The following GEMIN5 variants were observed in gnomAD, a reference collection of about 807,000 sequenced individuals.
GEMIN5 encodes the protein gem nuclear organelle associated protein 5, also known as gem-associated protein 5.
In GEMIN5, 124 loss-of-function variants were observed where a neutral mutation model predicts 176.9. That is an observed-to-expected ratio of 0.70 (90% CI 0.61 to 0.81). The LOEUF (loss-of-function observed/expected upper bound fraction) is 0.81. GEMIN5 is among the 40% of genes least tolerant of loss of function. GEMIN5 has a pLI of 0.00. For synonymous variants in GEMIN5, 673 were observed against 665.2 expected (o/e 1.01, Z -0.18); for missense variants, 1,843 against 1,814.6 (o/e 1.02, Z -0.28).
chr5:154,921,711 T>C (rs1371659787), intron 9 of GEMIN5, among the ~76,000 whole-genome samples: 2 of 152,226 alleles, frequency 1.3e-5, no homozygotes, highest in African/African-American at 2.4e-5. Flanking sequence ...CTTACCCATC[T>C]AGCCAGAACA....
chr5:154,922,375 G>T (rs181175183), intron 9 of GEMIN5, among the ~76,000 whole-genome samples: 64 of 152,248 alleles, frequency 4.2e-4, no homozygotes, highest in African/African-American at 1.5e-3. Context: ...CACAGTGTTA[G>T]CCAGGATGGT....
rs1171729217 is a variant in GEMIN5 at position 154,935,908 on chromosome 5, A to G, written c.442T>C (p.Phe148Leu). 1 of 1,613,754 alleles carries G rather than the reference A, an allele frequency of 6.2e-7. No homozygotes were observed. The highest frequency in any genetic ancestry group is 1.3e-5 in the African/African-American group (1 of 74,938). ...WFNRNDSQHL[F>L]IEPRTIFCLT... ...CAGAAAATTGTCCTGGGTTCTATAA[A>G]GAGGTGCTGGCTGTCATTTCTGTTA... Residue 148 changes from phenylalanine (F) to leucine (L), a missense_variant, in exon 3 of 28, where the codon TTT becomes CTT. Coordinates refer to ENST00000285873, the MANE Select transcript of GEMIN5 (RefSeq NM_015465.5).
In GEMIN5 at chr5:154,890,524, CATG is replaced by C. The variant is rs930564829; in HGVS notation, c.4262+714_4262+716del. Among the ~76,000 whole-genome samples the C allele has an allele frequency of 4.1e-5, 6 of 147,710 alleles. No individual in the cohort carries two copies. The Admixed American group carries it at 4.1e-4, about 10-fold the overall frequency. ...CTGTCAACCAGGCTGGTATGAGTGG[CATG>C]ATCGTATCTCACTACAGCCTCGAAC... On this transcript the variant is annotated intron_variant, in intron 26 of 27. Coordinates refer to ENST00000285873, the MANE Select transcript of GEMIN5 (RefSeq NM_015465.5).
At chr5:154,932,565 C>A (rs1162250311) in intron 3 of GEMIN5, among the ~76,000 whole-genome samples, 1 of 152,058 alleles carries the variant, frequency 6.6e-6, no homozygotes, top group Admixed American at 6.6e-5. Flanking sequence ...ATAGTTTTTG[C>A]AAGGGTGCAG....
chr5:154,920,802 T>C (rs992495525), intron 10 of GEMIN5, among the ~76,000 whole-genome samples: 7 of 152,144 alleles, frequency 4.6e-5, no homozygotes, highest in African/African-American at 1.7e-4. Context: ...TTTTGATGAA[T>C]ACACTTATGT....
intron 6 of GEMIN5, 46 bp downstream of exon 6, chr5:154,928,481 A>G: frequency 6.3e-7 from 1 of 1,598,400 alleles, no homozygotes; most frequent in South Asian, 1.1e-5. Context: ...GAGGCCAAAT[A>G]GAAAAACAAA....
chr5:154,891,684 G>A lies in GEMIN5; in HGVS notation c.3819C>T (p.Phe1273=). ...AAAGAAAAAAGGCCTCCAAACTTTT[G>A]AAAGCTGGTGTGGCAGGGGATTGAT... ...GDHQSPATPA[F]KSLEAFFLYG... Residue 1273 remains phenylalanine (F), a synonymous_variant, in exon 26 of 28, where the codon TTC becomes TTT. Coordinates refer to ENST00000285873, the MANE Select transcript of GEMIN5 (RefSeq NM_015465.5). 1.2e-6 allele frequency: 2 copies of A among 1,611,724 alleles called. No homozygotes were observed. Among genetic ancestry groups the A allele is most frequent in the Admixed American group, 3.4e-5 (2 of 59,290 alleles).
chr5:154,928,446 T>C (rs1764090028), intron 6 of GEMIN5, 81 bp downstream of exon 6: 1 of 1,273,188 alleles, frequency 7.9e-7, no homozygotes, highest in Non-Finnish European at 1.1e-6. Flanking sequence ...CCTTGGCCAT[T>C]ACTTTCTCCA....
chr5:154,899,046 T>C (rs1332091453), intron 22 of GEMIN5, 145 bp downstream of exon 22: 3 of 772,484 alleles, frequency 3.9e-6, no homozygotes, highest in Non-Finnish European at 6.2e-6. Flanking sequence ...ATGAGTCTTA[T>C]GAAACTAAGT....
At chr5:154,920,798 T>C (rs1399398672) in intron 10 of GEMIN5, among the ~76,000 whole-genome samples, 2 of 152,142 alleles carry the variant, frequency 1.3e-5, no homozygotes, top group East Asian at 3.8e-4. Flanking sequence ...AGACTTTTGA[T>C]GAATACACTT....
Position 154,935,874 on chromosome 5 carries a change from CAAGT to C in GEMIN5, c.472_475del (p.Thr158ValfsTer8), listed in dbSNP as rs1446108068. 4 of 1,613,592 alleles carry C rather than the reference CAAGT, an allele frequency of 2.5e-6. No homozygotes were observed. The highest frequency in any genetic ancestry group is 1.1e-5 in the South Asian group (1 of 91,048). ...TACTAAATCTTCATGATGAGGTGAA[CAAGT>C]AAGACAGAAAATTGTCCTGGGTTCT... is the stretch of plus-strand genomic sequence containing the variant. On this transcript the variant is annotated frameshift_variant, in exon 3 of 28. Coordinates refer to ENST00000285873, the MANE Select transcript of GEMIN5 (RefSeq NM_015465.5). LOFTEE classifies it high-confidence loss of function.
At chr5:154,917,910 C>CTTAA in intron 12 of GEMIN5, 21 bp downstream of exon 12, 1 of 1,543,922 alleles carries the variant, frequency 6.5e-7, no homozygotes, top group Non-Finnish European at 9.0e-7. Flanking sequence ...AATTTTTTAT[C>CTTAA]TTAAAGAAGC....
In GEMIN5 at chr5:154,910,872, G is replaced by C. The variant is rs568496713; in HGVS notation, c.2167+855C>G. 2.0e-5 allele frequency among the ~76,000 whole-genome samples: 3 copies of C among 152,108 alleles called. No individual in the cohort carries two copies. The East Asian group carries it at 5.9e-4, about 30-fold the overall frequency. ...CGCCAACACGCCCGGGTAATTTTTTGTATTTTTAGTAGAGACAGGGTTTCA... is the reference window on the plus strand; with the variant it reads ...CGCCAACACGCCCGGGTAATTTTTTCTATTTTTAGTAGAGACAGGGTTTCA... On this transcript the variant is annotated intron_variant, in intron 15 of 27. Transcript: ENST00000285873.
intron 26 of GEMIN5, among the ~76,000 whole-genome samples, chr5:154,889,753 T>C (rs1763186517): frequency 6.6e-6 from 1 of 152,268 alleles, no homozygotes; most frequent in Non-Finnish European, 1.5e-5. Context: ...AGTGGAGTCA[T>C]ATAGTATATG....
intron 15 of GEMIN5, among the ~76,000 whole-genome samples, chr5:154,910,297 AT>A (rs1763675257): frequency 6.6e-6 from 1 of 151,902 alleles, no homozygotes; most frequent in Non-Finnish European, 1.5e-5. Context: ...TGTTTAATAT[AT>A]TCTTTCATTT....
chr5:154,916,972 C>A (rs780283205), intron 13 of GEMIN5, 26 bp downstream of exon 13: 1 of 1,348,634 alleles, frequency 7.4e-7, no homozygotes, highest in Non-Finnish European at 1.0e-6. Context: ...CGATATCATC[C>A]CCAGTATGAA....
Position 154,937,036 on chromosome 5 carries a change from C to A in GEMIN5, c.316G>T (p.Ala106Ser). 1 of 1,613,282 alleles carries A rather than the reference C, an allele frequency of 6.2e-7. No homozygotes were observed. Among genetic ancestry groups the A allele is most frequent in the Non-Finnish European group, 8.5e-7 (1 of 1,179,452 alleles). ...VETKTVVTEH[A>S]LHQHTISTLH... ...GTAAGCCATGGTACCTGATGGAGTG[C>A]ATGTTCTGTCACAACTGTTTTTGTC... is the stretch of plus-strand genomic sequence containing the variant. The change falls in exon 2 of 28, where the codon GCA becomes TCA. Residue 106 changes from alanine (A) to serine (S), a missense_variant. Physicochemically the swap from Ala to Ser is moderately conservative, Grantham distance 99 (BLOSUM62 1). Transcript: ENST00000285873.
At chr5:154,924,819 C>T (rs939180883) in intron 8 of GEMIN5, among the ~76,000 whole-genome samples, 2 of 151,996 alleles carry the variant, frequency 1.3e-5, no homozygotes, top group African/African-American at 2.4e-5. Flanking sequence ...GAAACCCTGC[C>T]TCTACTAAAA....
chr5:154,914,176 A>C (rs940596782), intron 13 of GEMIN5, among the ~76,000 whole-genome samples: 68 of 152,068 alleles, frequency 4.5e-4, no homozygotes, highest in Admixed American at 1.1e-3. Flanking sequence ...ATGCACCACC[A>C]AGCCCAGCTA....
Sources: gnomAD v4.1 joint callset for allele counts (sites outside exome capture counted in the v4.1 genomes callset) on GRCh38, gnomAD v4.1.1 for gene constraint, MANE v1.5 for transcripts, NCBI Gene and HGNC (gene_info 2026-07-23, HGNC 2026-07-21) for gene names.